The following BRCA1 variants were observed in gnomAD, a reference collection of about 807,000 sequenced individuals.
The protein encoded by BRCA1 is breast cancer type 1 susceptibility protein.
Under a neutral mutation model 173.7 loss-of-function variants are expected in BRCA1, and 140 were observed. The observed-to-expected ratio is 0.81, with a 90% CI of 0.70 to 0.93. The LOEUF (loss-of-function observed/expected upper bound fraction) is 0.93. Among genes scored for constraint, BRCA1 ranks in the 40% least tolerant of loss-of-function variants. The pLI is 0.00. For synonymous variants in BRCA1, 662 were observed against 756.0 expected, an observed-to-expected ratio of 0.88 and a Z score of 2.04; for missense variants, 1,983 against 2,172.5, an observed-to-expected ratio of 0.91 and a Z score of 1.73.
chr17:43,117,895 A>C (rs535534924), intron 2 of BRCA1, among the ~76,000 whole-genome samples: 34 of 152,364 alleles, frequency 2.2e-4, no homozygotes, highest in African/African-American at 7.9e-4. Flanking sequence ...ACTATATTCA[A>C]GTACTATTCT....
At chr17:43,067,035 C>T (rs941920617) in intron 16 of BRCA1, among the ~76,000 whole-genome samples, 3 of 151,404 alleles carry the variant, frequency 2.0e-5, no homozygotes, top group Non-Finnish European at 2.9e-5. Context: ...CCAGGCTGGT[C>T]TCGAACTCCT....
At chr17:43,149,380 G>A (rs1440924054) in intron 1 of BRCA1, among the ~76,000 whole-genome samples, 1 of 150,184 alleles carries the variant, frequency 6.7e-6, no homozygotes, top group African/African-American at 2.5e-5. Context: ...GATTACAGGT[G>A]TGAGCCACCA....
intron 6 of BRCA1, among the ~76,000 whole-genome samples, chr17:43,100,899 T>TTTTTGTA (rs1385416111): frequency 6.7e-6 from 1 of 149,850 alleles, no homozygotes; most frequent in African/African-American, 2.5e-5. Flanking sequence ...GCCTAGTTAA[T>TTTTTGTA]TTTTGTATTT....
At position 43,091,604 on chromosome 17, in the gene BRCA1, A is replaced by G; in HGVS notation, c.3927T>C (p.Asn1309=). The G allele has an allele frequency of 6.2e-7, 1 of 1,614,216 alleles. No homozygotes were observed. Among genetic ancestry groups the G allele is most frequent in the Non-Finnish European group, 8.5e-7 (1 of 1,180,032 alleles). The change falls in exon 10 of 23, where the codon AAT becomes AAC. Residue 1309 remains asparagine, a synonymous_variant. Coordinates refer to ENST00000357654, the MANE Select transcript of BRCA1 (RefSeq NM_007294.4). The stretch of plus-strand genomic sequence containing the variant: ...TCAAGAAAGGATCCTGGGTGTTTGT[A>G]TTTGCAGTCAAGTCTTCCAATTCAC... The part of the protein sequence containing the change: ...QCSELEDLTA[N]TNTQDPFLIG...
intron 2 of BRCA1, among the ~76,000 whole-genome samples, chr17:43,122,764 T>C (rs1428595827): frequency 6.6e-6 from 1 of 151,448 alleles, no homozygotes; most frequent in African/African-American, 2.4e-5. Context: ...AATACAAGAA[T>C]GGCTGGACGC....
In BRCA1 at chr17:43,093,233, ACT is replaced by A. The variant is rs80357780; in HGVS notation, c.2296_2297del (p.Ser766Ter). The A allele has an allele frequency of 6.2e-7, 1 of 1,613,914 alleles. No individual in the cohort carries two copies. Among genetic ancestry groups the A allele is most frequent in the Admixed American group, 1.7e-5 (1 of 60,006 alleles). ...RVLQTERSVE[S>X]SSISLVPGTD... is the part of the protein sequence containing the mutation. ...TACCAGGTACCAATGAAATACTGCT[ACT>A]CTCTACAGATCTTTCAGTTTGCAAA... On this transcript the variant is annotated frameshift_variant, in exon 10 of 23. Transcript: ENST00000357654. LOFTEE classifies it high-confidence loss of function.
At chr17:43,139,319 C>A (rs1328990412) in intron 1 of BRCA1, among the ~76,000 whole-genome samples, 1 of 149,590 alleles carries the variant, frequency 6.7e-6, no homozygotes, top group Non-Finnish European at 1.5e-5. Context: ...GTTTGTTGTA[C>A]AGATTATTTC....
In BRCA1 at chr17:43,124,055, G is replaced by A. The variant is rs80356827; in HGVS notation, c.42C>T (p.Val14=). 1.5e-5 allele frequency: 24 copies of A among 1,613,796 alleles called. No individual in the cohort carries two copies. The highest frequency in any genetic ancestry group is 1.9e-5 in the Non-Finnish European group (23 of 1,179,808). Residue 14 remains valine (V), a synonymous_variant, in exon 2 of 23, where the codon GTC becomes GTT. Coordinates refer to ENST00000357654, the MANE Select transcript of BRCA1 (RefSeq NM_007294.4). ...CTAAGATTTTCTGCATAGCATTAAT[G>A]ACATTTTGTACTTCTTCAACGCGAA... ...SALRVEEVQN[V]INAMQKILEC...
intron 1 of BRCA1, among the ~76,000 whole-genome samples, chr17:43,145,867 G>A (rs1318734832): frequency 6.6e-6 from 1 of 152,068 alleles, no homozygotes; most frequent in Non-Finnish European, 1.5e-5. Context: ...ATAGATGGGG[G>A]TTAGTTTTTA....
intron 1 of BRCA1, among the ~76,000 whole-genome samples, chr17:43,158,356 AT>A (rs1401479779): frequency 1.3e-5 from 2 of 152,198 alleles, no homozygotes; most frequent in African/African-American, 4.8e-5. Flanking sequence ...GAATTGATAA[AT>A]TGTAAATCTT....
intron 14 of BRCA1, among the ~76,000 whole-genome samples, chr17:43,072,307 C>T (rs946607357): frequency 2.0e-5 from 3 of 151,218 alleles, no homozygotes; most frequent in Admixed American, 6.6e-5. Context: ...GAGAATCGCT[C>T]GAACCCAGGA....
At chr17:43,088,572 T>A (rs992951671) in intron 11 of BRCA1, among the ~76,000 whole-genome samples, 3 of 152,200 alleles carry the variant, frequency 2.0e-5, no homozygotes, top group African/African-American at 7.2e-5. Flanking sequence ...TTTTCTAAGT[T>A]TTCTATGATG....
At chr17:43,107,228 C>A (rs1414163842) in intron 3 of BRCA1, among the ~76,000 whole-genome samples, 1 of 151,718 alleles carries the variant, frequency 6.6e-6, no homozygotes, top group African/African-American at 2.4e-5. Context: ...CCATGCCCGG[C>A]TAATTTTTTT....
intron 1 of BRCA1, among the ~76,000 whole-genome samples, chr17:43,133,637 CTTTTTTT>C (rs34083503): frequency 1.0e-4 from 14 of 138,694 alleles, no homozygotes; most frequent in Non-Finnish European, 1.9e-4. Context: ...TTTTCACTTC[CTTTTTTT>C]TTTTTTTTGA....
At chr17:43,129,500 C>G (rs540365185), upstream of BRCA1, among the ~76,000 whole-genome samples, 45 of 152,054 alleles carry the variant, frequency 3.0e-4, 1 homozygote, top group African/African-American at 1.1e-3. Flanking sequence ...GACTGAGTCT[C>G]GCTCTGTCGC....
intron 2 of BRCA1, 80 bp downstream of exon 2, chr17:43,123,937 G>T: frequency 8.9e-7 from 1 of 1,120,958 alleles, no homozygotes; most frequent in Non-Finnish European, 1.4e-6. Context: ...TTCTTCCCTA[G>T]TATGTAAGGT....
chr17:43,119,156 ATATT>A (rs1199783130), intron 2 of BRCA1: 1 of 215,312 alleles, frequency 4.6e-6, no homozygotes, highest in Non-Finnish European at 9.4e-6. Context: ...TTTTCCTTAA[ATATT>A]TAACTTTTTA....
chr17:43,044,963 C>A lies in BRCA1; in HGVS notation c.*715G>T. ...GGATTACAGGTGTCCACCACCATGA[C>A]CGGCTAATTTCTGTATTTTTAGTAG... On this transcript the variant is annotated 3_prime_UTR_variant, in exon 23 of 23. Coordinates refer to ENST00000357654, the MANE Select transcript of BRCA1 (RefSeq NM_007294.4). The A allele has an allele frequency of 2.1e-6, 1 of 480,186 alleles. No individual in the cohort carries two copies. The highest frequency in any genetic ancestry group is 1.6e-5 in the South Asian group (1 of 62,628). The allele number at this position is 480,186 out of a possible 1,614,324, so 29.7% of individuals were successfully genotyped here.
At chr17:43,156,751 T>C (rs550040720) in intron 1 of BRCA1, among the ~76,000 whole-genome samples, 9 of 152,324 alleles carry the variant, frequency 5.9e-5, no homozygotes, top group East Asian at 1.9e-4. Flanking sequence ...AATTCTGAAA[T>C]AATTATATTT....
Sources: gnomAD v4.1 joint callset for allele counts (sites outside exome capture counted in the v4.1 genomes callset) on GRCh38, gnomAD v4.1.1 for gene constraint, MANE v1.5 for transcripts, NCBI Gene and HGNC (gene_info 2026-07-23, HGNC 2026-07-21) for gene names.